CRK: variants seen among roughly 807,000 people sequenced by gnomAD.
CRK encodes the protein adapter molecule crk.
CRK carries 4 observed loss-of-function variants against 29.8 expected under a neutral mutation model. The observed-to-expected ratio is 0.13, with a 90% CI of 0.07 to 0.31. The LOEUF (loss-of-function observed/expected upper bound fraction) is 0.31, where lower values mean the gene tolerates loss of function less well. CRK is among the 10% of genes least tolerant of loss of function. The pLI, the probability that CRK is intolerant of heterozygous loss-of-function variation, is 1.00. For missense variants in CRK, 274 were observed against 396.5 expected (o/e 0.69, Z 2.62); for synonymous variants, 153 against 164.9 (o/e 0.93, Z 0.55).
At chr17:1,446,841 C>A (rs1304980196) in intron 1 of CRK, among the ~76,000 whole-genome samples, 1 of 152,134 alleles carries the variant, frequency 6.6e-6, no homozygotes, top group Non-Finnish European at 1.5e-5. Context: ...GATCCGCCCG[C>A]CTCGGCCTCC....
intron 1 of CRK, among the ~76,000 whole-genome samples, chr17:1,452,769 G>T (rs541339449): frequency 6.7e-6 from 1 of 149,088 alleles, no homozygotes; most frequent in South Asian, 2.1e-4. Context: ...CAGCGTGGGA[G>T]ACAAGAGTAA....
intron 1 of CRK, among the ~76,000 whole-genome samples, chr17:1,448,342 A>G (rs61388772): frequency 1.3e-5 from 2 of 151,982 alleles, no homozygotes; most frequent in Non-Finnish European, 2.9e-5. Context: ...AAGTGGCTAG[A>G]GGCTGGGCGT....
intron 1 of CRK, among the ~76,000 whole-genome samples, chr17:1,453,717 G>C (rs2074035739): frequency 1.3e-5 from 2 of 152,094 alleles, no homozygotes; most frequent in South Asian, 2.1e-4. Flanking sequence ...GACCAGCCTG[G>C]TCAACTTGGC....
At chr17:1,453,117 AGACAG>A (rs775088385) in intron 1 of CRK, among the ~76,000 whole-genome samples, 1 of 152,152 alleles carries the variant, frequency 6.6e-6, no homozygotes, top group Admixed American at 6.6e-5. Flanking sequence ...AGAGAGAAAA[AGACAG>A]CAACTGAATC....
At chr17:1,427,437 C>T (rs1305834162) in intron 2 of CRK, among the ~76,000 whole-genome samples, 1 of 150,960 alleles carries the variant, frequency 6.6e-6, no homozygotes, top group Admixed American at 6.6e-5. Flanking sequence ...ACTAAAAATA[C>T]AAAAAATTAG....
rs2074054247 is a variant in CRK, at chr17:1,456,009, C to G, written c.109G>C (p.Val37Leu). ...LQGQRHGVFL[V>L]RDSSTSPGDY... The stretch of plus-strand genomic sequence containing the variant: ...CCGGGGCTGGTGCTCGAGTCCCGCA[C>G]CAGGAACACCCCGTGCCGCTGGCCC... Residue 37 changes from valine (V) to leucine (L), a missense_variant, in exon 1 of 3, where the codon GTG (valine) becomes CTG (leucine). Around this residue, in one of 3 missense-constraint regions of CRK, gnomAD observed 135 missense variants for 180.9 expected, o/e 0.75. Coordinates refer to ENST00000300574, the MANE Select transcript of CRK (RefSeq NM_016823.4). 6.3e-7 allele frequency: 1 copy of G among 1,598,858 alleles called. No homozygotes were observed. The highest frequency in any genetic ancestry group is 1.7e-5 in the Admixed American group (1 of 58,884).
At chr17:1,453,499 A>G (rs1420296594) in intron 1 of CRK, among the ~76,000 whole-genome samples, 1 of 152,182 alleles carries the variant, frequency 6.6e-6, no homozygotes, top group Non-Finnish European at 1.5e-5. Context: ...TATCTGGTTC[A>G]GGGCCAACAC....
At position 1,427,072 on chromosome 17, in the gene CRK, A is replaced by AAAAAAAAAAAAAAAAAAG. The variant is rs778793991; in HGVS notation, c.778-3423_778-3422insCTTTTTTTTTTTTTTTTT. ...AAAAAAAAAAAAAAAAAAAAAAAAA[A>AAAAAAAAAAAAAAAAAAG]GATTCTGACATGCCCCAGCCAGGCT... On this transcript the variant is annotated intron_variant, in intron 2 of 2. Transcript: ENST00000300574. 1.7e-4 allele frequency among the ~76,000 whole-genome samples: 16 copies of AAAAAAAAAAAAAAAAAAG among 92,072 alleles called. 5 individuals carry two copies. The highest frequency in any genetic ancestry group is 1.1e-3 in the South Asian group (3 of 2,834). 60.4% of individuals were successfully genotyped at this position (92,072 alleles called of 152,430 possible). A position where few individuals can be genotyped will look rare whatever the true frequency, so the allele number is the denominator to read the frequency against.
At chr17:1,432,997 G>A (rs751317926) in intron 2 of CRK, among the ~76,000 whole-genome samples, 6 of 152,146 alleles carry the variant, frequency 3.9e-5, no homozygotes, top group Non-Finnish European at 7.3e-5. Flanking sequence ...TCATAAAGAA[G>A]ACTGAATGTG....
intron 1 of CRK, among the ~76,000 whole-genome samples, chr17:1,441,100 T>G (rs1289764875): frequency 6.6e-6 from 1 of 151,788 alleles, no homozygotes; most frequent in Admixed American, 6.6e-5. Context: ...CACGCCCAAC[T>G]AATTTTTTGT....
chr17:1,454,820 G>A (rs1598308051), intron 1 of CRK, among the ~76,000 whole-genome samples: 1 of 152,122 alleles, frequency 6.6e-6, no homozygotes, highest in African/African-American at 2.4e-5. Context: ...CAGTACTAAG[G>A]GCATCTATCT....
chr17:1,454,377 C>A (rs376934323), intron 1 of CRK, among the ~76,000 whole-genome samples: 1 of 152,024 alleles, frequency 6.6e-6, no homozygotes, highest in Non-Finnish European at 1.5e-5. Context: ...TTCGTCTCTA[C>A]GAAAAATACA....
chr17:1,453,070 T>C (rs1187551739), intron 1 of CRK, among the ~76,000 whole-genome samples: 1 of 152,138 alleles, frequency 6.6e-6, no homozygotes, highest in East Asian at 1.9e-4. Flanking sequence ...TTCATGCCAC[T>C]GCACTCCAGC....
chr17:1,439,242 C>G (rs1334922737), intron 1 of CRK, among the ~76,000 whole-genome samples: 3 of 152,244 alleles, frequency 2.0e-5, no homozygotes, highest in Admixed American at 6.5e-5. Context: ...ACTACAGGCA[C>G]CCGCCACCAT....
At chr17:1,446,180 A>G (rs2073973336) in intron 1 of CRK, among the ~76,000 whole-genome samples, 2 of 152,204 alleles carry the variant, frequency 1.3e-5, no homozygotes, top group South Asian at 4.1e-4. Context: ...CACAGCAAGC[A>G]CAGTGTGGCT....
At chr17:1,432,650 G>A (rs1463979128) in intron 2 of CRK, among the ~76,000 whole-genome samples, 2 of 151,628 alleles carry the variant, frequency 1.3e-5, no homozygotes, top group African/African-American at 2.4e-5. Context: ...GGTGGCGGGC[G>A]CCTGTAGTCC....
At chr17:1,429,369 G>A (rs941603306) in intron 2 of CRK, among the ~76,000 whole-genome samples, 1 of 151,686 alleles carries the variant, frequency 6.6e-6, no homozygotes, top group African/African-American at 2.4e-5. Flanking sequence ...TGCAAACTCC[G>A]CCTCCTGGAG....
chr17:1,452,755 G>A (rs942908030), intron 1 of CRK, among the ~76,000 whole-genome samples: 7 of 151,092 alleles, frequency 4.6e-5, no homozygotes, highest in African/African-American at 1.5e-4. Context: ...GCGCCATTGC[G>A]CTCCAGCGTG....
Position 1,432,870 on chromosome 17 carries a change from CTA to C in CRK, c.777+3748_777+3749del, listed in dbSNP as rs1262131036. 2.6e-5 allele frequency among the ~76,000 whole-genome samples: 4 copies of C among 151,752 alleles called. 1 individual carries two copies. Among genetic ancestry groups the C allele is most frequent in the Non-Finnish European group, 5.9e-5 (4 of 67,996 alleles). ...ATCAAGTAGAATGGTGGACTTAAGA[CTA>C]TATCCTAAAGAACCACAATCCACAA... On this transcript the variant is annotated intron_variant, in intron 2 of 2. Coordinates refer to ENST00000300574, the MANE Select transcript of CRK (RefSeq NM_016823.4).
Sources: gnomAD v4.1 joint callset for allele counts (sites outside exome capture counted in the v4.1 genomes callset) on GRCh38, gnomAD v4.1.1 for gene constraint, gnomAD v4.1.1 regional missense constraint, MANE v1.5 for transcripts, NCBI Gene and HGNC (gene_info 2026-07-23, HGNC 2026-07-21) for gene names.